The following NEDD9 variants were observed in gnomAD, a reference collection of about 807,000 sequenced individuals.
NEDD9 encodes the protein neural precursor cell expressed, developmentally down-regulated 9.
A neutral mutation model predicts 76.6 loss-of-function variants in NEDD9; 26 were observed. The observed-to-expected ratio is 0.34, with a 90% CI of 0.25 to 0.47. The LOEUF is 0.47. Among genes scored for constraint, NEDD9 ranks in the 20% least tolerant of loss-of-function variants. The pLI is 1.00. For missense variants in NEDD9, 937 were observed against 1,058.5 expected, an observed-to-expected ratio of 0.89 and a Z score of 1.59; for synonymous variants, 392 against 414.2, an observed-to-expected ratio of 0.95 and a Z score of 0.65.
At chr6:11,197,034 C>T (rs1758310699) in intron 2 of NEDD9, among the ~76,000 whole-genome samples, 1 of 152,084 alleles carries the variant, frequency 6.6e-6, no homozygotes, top group South Asian at 2.1e-4. Context: ...TACACAAAAA[C>T]CTTCCAACGA....
chr6:11,345,299 G>A (rs1019115233), intron 1 of NEDD9, among the ~76,000 whole-genome samples: 1 of 152,172 alleles, frequency 6.6e-6, no homozygotes, highest in African/African-American at 2.4e-5. Context: ...CAAGAAAACT[G>A]AGTGACAAGG....
intron 3 of NEDD9, among the ~76,000 whole-genome samples, chr6:11,253,868 A>G (rs541468487): frequency 1.3e-5 from 2 of 152,362 alleles, no homozygotes; most frequent in East Asian, 3.9e-4. Flanking sequence ...GGATACAGTG[A>G]GAAGGAGTTG....
At chr6:11,283,579 C>T (rs1760580841) in intron 3 of NEDD9, among the ~76,000 whole-genome samples, 1 of 152,132 alleles carries the variant, frequency 6.6e-6, no homozygotes. Context: ...GATGACCTCA[C>T]CCAGTGCCAT....
chr6:11,381,001 T>C (rs1326998053), intron 1 of NEDD9, among the ~76,000 whole-genome samples: 2 of 152,170 alleles, frequency 1.3e-5, no homozygotes, highest in African/African-American at 4.8e-5. Flanking sequence ...ACGTACAAAG[T>C]GACAGCCACT....
intron 3 of NEDD9, chr6:11,305,136 T>G (rs1761147060): frequency 2.3e-6 from 3 of 1,289,254 alleles, no homozygotes; most frequent in Non-Finnish European, 3.0e-6. Flanking sequence ...CTTTTTTATT[T>G]GTGTGCAGTT....
rs57238992 is a variant in NEDD9 at position 11,324,388 on chromosome 6, C to T, written c.-153+10113G>A. On this transcript the variant is annotated intron_variant, in intron 2 of 3. Coordinates refer to the NEDD9 transcript ENST00000397378. ...TGTGCAGGTCTGGATGCCTGGTGTT[C>T]CTTCTCAGTGCACCGCCCGATCCCC... Among the ~76,000 whole-genome samples, 1,064 of 152,224 alleles carry T rather than the reference C, an allele frequency of 7.0e-3. 10 individuals are homozygous for T. Among genetic ancestry groups the T allele is most frequent in the African/African-American group, 0.024 (1,015 of 41,530 alleles).
At chr6:11,223,910 T>A (rs561917314) in intron 1 of NEDD9, among the ~76,000 whole-genome samples, 7 of 152,280 alleles carry the variant, frequency 4.6e-5, no homozygotes, top group African/African-American at 1.7e-4. Flanking sequence ...GTAAGGGAGA[T>A]GGGATAATGC....
chr6:11,304,948 A>C, intron 3 of NEDD9: 1 of 577,180 alleles, frequency 1.7e-6, no homozygotes, highest in Non-Finnish European at 2.6e-6. Context: ...TAGAACTTAA[A>C]ATATAATTAA....
At chr6:11,315,758 G>A (rs1018584094) in intron 2 of NEDD9, among the ~76,000 whole-genome samples, 2 of 152,204 alleles carry the variant, frequency 1.3e-5, no homozygotes, top group African/African-American at 4.8e-5. Flanking sequence ...AAATGGGCAA[G>A]ACTCAATAAA....
chr6:11,196,359 G>C (rs1302215725), intron 2 of NEDD9, among the ~76,000 whole-genome samples: 1 of 152,168 alleles, frequency 6.6e-6, no homozygotes, highest in Non-Finnish European at 1.5e-5. Context: ...TTGGGAGCTA[G>C]AGTGGGTGGC....
intron 3 of NEDD9, among the ~76,000 whole-genome samples, chr6:11,284,994 A>C (rs1469909023): frequency 6.6e-6 from 1 of 152,140 alleles, no homozygotes; most frequent in Non-Finnish European, 1.5e-5. Context: ...GAATTTCCCA[A>C]GGTGATTCAG....
chr6:11,342,780 A>T (rs754788600), intron 1 of NEDD9, among the ~76,000 whole-genome samples: 2 of 152,208 alleles, frequency 1.3e-5, no homozygotes, highest in Non-Finnish European at 2.9e-5. Context: ...ACATTCATAC[A>T]ATAGACTCAG....
chr6:11,332,404 C>T (rs548535731), intron 2 of NEDD9, among the ~76,000 whole-genome samples: 11 of 152,326 alleles, frequency 7.2e-5, no homozygotes, highest in Non-Finnish European at 1.6e-4. Flanking sequence ...CAATGGTTCT[C>T]CATTACCTCC....
At chr6:11,196,879 C>T (rs1250550337) in intron 2 of NEDD9, among the ~76,000 whole-genome samples, 1 of 152,130 alleles carries the variant, frequency 6.6e-6, no homozygotes, top group Non-Finnish European at 1.5e-5. Context: ...TACTTTTGGA[C>T]ATTCTCTGCC....
chr6:11,252,333 T>C lies in NEDD9; in HGVS notation c.13-38606A>G, dbSNP rs1283127681. ...AGAGTTATTGGAGGGTCTAAGAGGA[T>C]GCCAGTCAAGCAAAAGAATAGTAGT... On this transcript the variant is annotated intron_variant, in intron 3 of 3. Coordinates refer to the NEDD9 transcript ENST00000397378. This position sits in a 1 kb window ranked among gnomAD's most constrained non-coding sequence, Gnocchi z 4.3. 6.6e-6 allele frequency among the ~76,000 whole-genome samples: 1 copy of C among 152,132 alleles called. No individual in the cohort carries two copies. The highest frequency in any genetic ancestry group is 1.5e-5 in the Non-Finnish European group (1 of 68,010).
At position 11,296,674 on chromosome 6, in the gene NEDD9, CCTTTCCCTTCCTTCCTT is replaced by C. The variant is rs1388986744; in HGVS notation, c.12+9301_12+9317del. Among the ~76,000 whole-genome samples the C allele has an allele frequency of 1.9e-4, 17 of 88,208 alleles. No individual in the cohort carries two copies. In the South Asian group the frequency reaches 3.6e-3, roughly 19 times the overall value. 57.9% of individuals were successfully genotyped at this position (88,208 alleles called of 152,430 possible). A position where few individuals can be genotyped will look rare whatever the true frequency, so the allele number is the denominator to read the frequency against. ...TCCTTCCTTTCCTTTCCTTTCCTTT[CCTTTCCCTTCCTTCCTT>C]CCTTCCTTCCTTCCTTCCTTCCTTC... On this transcript the variant is annotated intron_variant, in intron 3 of 3. Transcript: ENST00000397378.
At chr6:11,191,835 C>T (rs929668655) in intron 4 of NEDD9, among the ~76,000 whole-genome samples, 106 of 152,104 alleles carry the variant, frequency 7.0e-4, no homozygotes, top group African/African-American at 2.4e-3. Flanking sequence ...AGGGAGACAC[C>T]GTCTCTACAA....
At chr6:11,359,885 G>A (rs2113549987) in intron 1 of NEDD9, among the ~76,000 whole-genome samples, 1 of 152,318 alleles carries the variant, frequency 6.6e-6, no homozygotes, top group South Asian at 2.1e-4. Flanking sequence ...TGCCATGAGG[G>A]ACAAACCACA....
intron 3 of NEDD9, chr6:11,249,245 T>A (rs371592272): frequency 6.9e-5 from 31 of 452,492 alleles, no homozygotes; most frequent in East Asian, 3.5e-4. Flanking sequence ...TTGAGTCCAA[T>A]AGGGTTAAGT....
Sources: gnomAD v4.1 joint callset for allele counts (sites outside exome capture counted in the v4.1 genomes callset) on GRCh38, gnomAD v4.1.1 for gene constraint, Gnocchi (gnomAD v3.1) non-coding constraint, MANE v1.5 for transcripts, NCBI Gene and HGNC (gene_info 2026-07-23, HGNC 2026-07-21) for gene names.